PCDHA2: variants seen among roughly 807,000 people sequenced by gnomAD.
The protein encoded by PCDHA2 is protocadherin alpha-2.
PCDHA2 carries 58 observed loss-of-function variants against 66.0 expected under a neutral mutation model. The ratio of observed to expected loss-of-function variants is 0.88; its 90% CI spans 0.71 to 1.09. PCDHA2 has a LOEUF of 1.09. Ranked by LOEUF, PCDHA2 falls within the 50% of genes least tolerant of loss-of-function variation. The probability of loss-of-function intolerance (pLI) is 0.00; values close to 1 mark genes in which losing one functional copy is unlikely to be tolerated. For missense variants in PCDHA2, 1,267 were observed against 1,242.3 expected (o/e 1.02, Z -0.30); for synonymous variants, 634 against 554.0 (o/e 1.14, Z -2.03).
chr5:140,801,326 C>T (rs782180915), intron 1 of PCDHA2: 13 of 1,613,174 alleles, frequency 8.1e-6, no homozygotes, highest in Non-Finnish European at 1.1e-5. Flanking sequence ...AGCATGGCAC[C>T]TTCGTGGGCC....
At chr5:140,994,081 G>A (rs147535219) in intron 3 of PCDHA2, among the ~76,000 whole-genome samples, 2 of 152,260 alleles carry the variant, frequency 1.3e-5, no homozygotes, top group Admixed American at 6.5e-5. Flanking sequence ...AGGGAGAAAT[G>A]TAAAGAAATA....
intron 1 of PCDHA2, chr5:140,877,206 C>G (rs782807049): frequency 6.2e-7 from 1 of 1,613,768 alleles, no homozygotes; most frequent in South Asian, 1.1e-5. Context: ...GCGCAGTTAG[C>G]GAGTTGGTAC....
At chr5:140,820,372 TG>T (rs2150106732) in intron 1 of PCDHA2, among the ~76,000 whole-genome samples, 317 of 152,120 alleles carry the variant, frequency 2.1e-3, no homozygotes, top group African/African-American at 7.4e-3. Context: ...TTGCATTTTC[TG>T]GTAATTTCTT....
chr5:140,970,657 T>C (rs1487534093), intron 1 of PCDHA2, among the ~76,000 whole-genome samples: 1 of 152,232 alleles, frequency 6.6e-6, no homozygotes, highest in Non-Finnish European at 1.5e-5. Context: ...TGAATTGTTA[T>C]CTTTCCAAAT....
chr5:140,876,062 G>C, intron 1 of PCDHA2: 1 of 1,613,842 alleles, frequency 6.2e-7, no homozygotes, highest in South Asian at 1.1e-5. Flanking sequence ...TTAGTTCTTC[G>C]GAAGTTATTG....
chr5:140,878,420 A>G (rs2057587520), intron 1 of PCDHA2, among the ~76,000 whole-genome samples: 1 of 152,236 alleles, frequency 6.6e-6, no homozygotes, highest in African/African-American at 2.4e-5. Flanking sequence ...TATTTCAAGT[A>G]GGAATAGATA....
chr5:140,807,529 G>A, intron 1 of PCDHA2: 1 of 1,614,174 alleles, frequency 6.2e-7, no homozygotes, highest in Non-Finnish European at 8.5e-7. Flanking sequence ...ACAGGCCGCT[G>A]CAGGTTTTCC....
At chr5:140,869,721 G>A (rs1554163371) in intron 1 of PCDHA2, 2 of 1,613,340 alleles carry the variant, frequency 1.2e-6, no homozygotes, top group Non-Finnish European at 1.7e-6. Flanking sequence ...AGAAAACTCC[G>A]GAACTTAATT....
intron 1 of PCDHA2, among the ~76,000 whole-genome samples, chr5:140,945,397 A>G (rs2093784345): frequency 6.6e-6 from 1 of 152,132 alleles, no homozygotes; most frequent in Admixed American, 6.5e-5. Context: ...TACAAATTCA[A>G]TACAATTCGT....
At position 140,857,274 on chromosome 5, in the gene PCDHA2, AC is replaced by A. The variant is rs782434085; in HGVS notation, c.2388+59923del. 196 of 1,598,554 alleles carry A rather than the reference AC, an allele frequency of 1.2e-4. 15 individuals are homozygous for A. The highest frequency in any genetic ancestry group is 3.4e-5 in the Admixed American group (2 of 59,316). On this transcript the variant is annotated intron_variant, in intron 1 of 3. Transcript: ENST00000526136. ...AAGAATTACTACTCATTGGTGCTGG[AC>A]AGCGCTCTGGACCGCGAGAGGGTGT...
chr5:140,857,740 G>A (rs1019130313), intron 1 of PCDHA2: 1 of 1,597,496 alleles, frequency 6.3e-7, no homozygotes, highest in African/African-American at 1.3e-5. Flanking sequence ...CTCCCGCGCT[G>A]CTGGCGTCTC....
At chr5:140,882,950 C>A in intron 1 of PCDHA2, 1 of 1,614,216 alleles carries the variant, frequency 6.2e-7, no homozygotes, top group Non-Finnish European at 8.5e-7. Context: ...CACAGTTCAG[C>A]TGCTCATCAC....
intron 1 of PCDHA2, among the ~76,000 whole-genome samples, chr5:140,975,572 C>T (rs1356117545): frequency 6.6e-6 from 1 of 152,202 alleles, no homozygotes; most frequent in African/African-American, 2.4e-5. Context: ...ATATTATATG[C>T]AGTCTCATGT....
chr5:140,883,867 C>T (rs2059859396), intron 1 of PCDHA2: 3 of 1,613,138 alleles, frequency 1.9e-6, no homozygotes, highest in Non-Finnish European at 2.5e-6. Flanking sequence ...TGTTGCAGTT[C>T]CAGGTGAGCG....
chr5:140,969,311 G>A (rs2096317598), intron 1 of PCDHA2: 2 of 1,614,050 alleles, frequency 1.2e-6, no homozygotes, highest in Non-Finnish European at 1.7e-6. Context: ...TCTCAAAAAT[G>A]AGGCTGTTTC....
At chr5:140,875,346 T>C in intron 1 of PCDHA2, 1 of 1,443,436 alleles carries the variant, frequency 6.9e-7, no homozygotes. Flanking sequence ...GACTCCATAA[T>C]GACTGTGATG....
intron 1 of PCDHA2, among the ~76,000 whole-genome samples, chr5:140,941,191 T>TTTTTTCTTTC (rs1554213809): frequency 1.1e-5 from 1 of 93,206 alleles, no homozygotes; most frequent in Non-Finnish European, 2.3e-5. Flanking sequence ...GCTTCTTTTT[T>TTTTTTCTTTC]TTTCTTTCTT....
intron 3 of PCDHA2, among the ~76,000 whole-genome samples, chr5:141,005,701 CAAAAAAAAAA>C (rs59860837): frequency 9.0e-4 from 7 of 7,792 alleles, no homozygotes; most frequent in East Asian, 6.4e-3. Context: ...AACTCCGTCT[CAAAAAAAAAA>C]AAAAAAAAAA....
intron 1 of PCDHA2, chr5:140,828,530 C>T: frequency 3.1e-6 from 5 of 1,614,226 alleles, no homozygotes; most frequent in Non-Finnish European, 4.2e-6. Flanking sequence ...CGAATCTAGG[C>T]TGCCAGATTC....
Sources: allele counts gnomAD v4.1 joint callset (sites outside exome capture counted in the v4.1 genomes callset), GRCh38; gene constraint gnomAD v4.1.1; transcripts MANE v1.5; gene names NCBI Gene and HGNC (gene_info 2026-07-23, HGNC 2026-07-21).